The following FBXL17 variants were observed in gnomAD, a reference collection of about 807,000 sequenced individuals.
FBXL17 encodes the protein F-box/LRR-repeat protein 17.
Under a neutral mutation model 66.2 loss-of-function variants are expected in FBXL17, and 22 were observed. The observed-to-expected ratio is 0.33, with a 90% CI of 0.24 to 0.47. The LOEUF (loss-of-function observed/expected upper bound fraction) is 0.47. Among genes scored for constraint, FBXL17 ranks in the 20% least tolerant of loss-of-function variants. FBXL17 has a pLI of 1.00. For missense variants in FBXL17, 878 were observed against 948.2 expected (o/e 0.93, Z 0.97); for synonymous variants, 474 against 400.5 (o/e 1.18, Z -2.19).
chr5:108,089,687 T>C (rs1749117279), intron 6 of FBXL17, among the ~76,000 whole-genome samples: 1 of 152,220 alleles, frequency 6.6e-6, no homozygotes, highest in Non-Finnish European at 1.5e-5. Context: ...ACAGCTTTTT[T>C]CCCCTTGTTT....
intron 6 of FBXL17, among the ~76,000 whole-genome samples, chr5:108,064,871 C>T (rs1312187213): frequency 1.3e-5 from 2 of 152,078 alleles, no homozygotes; most frequent in Non-Finnish European, 2.9e-5. Flanking sequence ...GGACGGCCTT[C>T]CTGCAGCTTC....
intron 2 of FBXL17, among the ~76,000 whole-genome samples, chr5:108,365,838 G>A (rs76122360): frequency 0.12 from 18,477 of 152,000 alleles, 1,360 homozygotes; most frequent in Admixed American, 0.16. Flanking sequence ...CATATTTGAT[G>A]TCAGAAGTGG....
intron 2 of FBXL17, among the ~76,000 whole-genome samples, chr5:108,367,448 T>C (rs1418055119): frequency 6.6e-6 from 1 of 152,126 alleles, no homozygotes; most frequent in East Asian, 1.9e-4. Flanking sequence ...TGAACTAGTA[T>C]GCATAAAGCC....
chr5:108,050,745 C>A (rs1275558535), intron 6 of FBXL17, among the ~76,000 whole-genome samples: 2 of 151,724 alleles, frequency 1.3e-5, no homozygotes, highest in African/African-American at 4.8e-5. Context: ...AACTCCCCCC[C>A]AAAAAATGAA....
chr5:107,969,707 T>C (rs964475558), intron 7 of FBXL17, among the ~76,000 whole-genome samples: 4 of 152,114 alleles, frequency 2.6e-5, no homozygotes, highest in African/African-American at 9.7e-5. Context: ...ACAAGGGAAT[T>C]GGCATTTTTC....
chr5:108,303,811 T>C (rs767552704), intron 4 of FBXL17, among the ~76,000 whole-genome samples: 3 of 151,966 alleles, frequency 2.0e-5, no homozygotes, highest in African/African-American at 2.4e-5. Flanking sequence ...TGACCTGTGA[T>C]AACATCATCA....
chr5:108,140,201 A>AC (rs1033276901), intron 6 of FBXL17, among the ~76,000 whole-genome samples: 1 of 152,046 alleles, frequency 6.6e-6, no homozygotes, highest in African/African-American at 2.4e-5. Flanking sequence ...ACATGTCACC[A>AC]CATCAAGCTA....
chr5:107,894,171 G>A (rs181404071), intron 7 of FBXL17, among the ~76,000 whole-genome samples: 1 of 152,294 alleles, frequency 6.6e-6, no homozygotes, highest in Admixed American at 6.5e-5. Context: ...TTCTTGGGTT[G>A]AAGAATGACA....
chr5:108,022,214 T>A (rs1414503676), intron 6 of FBXL17, among the ~76,000 whole-genome samples: 1 of 151,896 alleles, frequency 6.6e-6, no homozygotes, highest in African/African-American at 2.4e-5. Context: ...AAAAAAGATC[T>A]ATAAAAAAAT....
chr5:108,237,907 T>A (rs1755678573), intron 4 of FBXL17, among the ~76,000 whole-genome samples: 2 of 152,144 alleles, frequency 1.3e-5, no homozygotes, highest in African/African-American at 4.8e-5. Flanking sequence ...TTATTTAAAT[T>A]CACAAAAAAT....
intron 5 of FBXL17, among the ~76,000 whole-genome samples, chr5:108,191,284 G>C (rs184024706): frequency 3.2e-4 from 49 of 152,314 alleles, no homozygotes; most frequent in Middle Eastern, 3.4e-3. Context: ...CTGACACAGA[G>C]TTTCTATGTG....
At chr5:108,307,865 A>G (rs187505958) in intron 4 of FBXL17, among the ~76,000 whole-genome samples, 30 of 152,268 alleles carry the variant, frequency 2.0e-4, no homozygotes, top group Admixed American at 1.8e-3. Context: ...GAAAAGGCAA[A>G]TCATCAGAAA....
intron 4 of FBXL17, among the ~76,000 whole-genome samples, chr5:108,300,111 C>T (rs1392371313): frequency 6.6e-6 from 1 of 151,866 alleles, no homozygotes; most frequent in Non-Finnish European, 1.5e-5. Context: ...ATAATCACTG[C>T]TTATACAAAT....
intron 7 of FBXL17, among the ~76,000 whole-genome samples, chr5:107,977,886 G>A (rs1232612029): frequency 2.0e-5 from 3 of 152,202 alleles, no homozygotes; most frequent in Non-Finnish European, 4.4e-5. Context: ...GATGGGAAGT[G>A]AAAGGCAGAA....
At chr5:108,285,529 T>C (rs1017489071) in intron 4 of FBXL17, among the ~76,000 whole-genome samples, 17 of 152,030 alleles carry the variant, frequency 1.1e-4, no homozygotes, top group African/African-American at 3.6e-4. Flanking sequence ...ATGGCATTAA[T>C]GTCCTTGTAA....
In FBXL17 at chr5:108,284,136, T is replaced by C. The variant is rs547588127; in HGVS notation, c.1507-59908A>G. 9.9e-5 allele frequency among the ~76,000 whole-genome samples: 15 copies of C among 152,000 alleles called. No individual in the cohort carries two copies. The East Asian group carries it at 2.3e-3, about 23-fold the overall frequency. On this transcript the variant is annotated intron_variant, in intron 4 of 8. Coordinates refer to ENST00000542267, the MANE Select transcript of FBXL17 (RefSeq NM_001163315.3). ...AGGGAAACAGTATGGAGATTTCTCA[T>C]AGAATTAAAGATAGATTTACCATTT...
chr5:107,965,508 T>C (rs1161182959), intron 7 of FBXL17, among the ~76,000 whole-genome samples: 1 of 152,258 alleles, frequency 6.6e-6, no homozygotes, highest in Non-Finnish European at 1.5e-5. Context: ...GTGAGATATC[T>C]CTATATGGAA....
chr5:108,238,261 T>G (rs1315033165), intron 4 of FBXL17, among the ~76,000 whole-genome samples: 1 of 152,194 alleles, frequency 6.6e-6, no homozygotes, highest in Non-Finnish European at 1.5e-5. Context: ...ATCTAGTAAA[T>G]TTTTAAAAGA....
intron 5 of FBXL17, among the ~76,000 whole-genome samples, chr5:108,191,064 C>A (rs1010394829): frequency 2.6e-5 from 4 of 152,158 alleles, no homozygotes; most frequent in Non-Finnish European, 4.4e-5. Flanking sequence ...GACTCTTAAA[C>A]CTATAAACAT....
Sources: gnomAD v4.1 joint callset for allele counts (sites outside exome capture counted in the v4.1 genomes callset) on GRCh38, gnomAD v4.1.1 for gene constraint, MANE v1.5 for transcripts, NCBI Gene and HGNC (gene_info 2026-07-23, HGNC 2026-07-21) for gene names.